Variants in ADGRB3 observed in about 807,000 individuals in gnomAD.
The protein encoded by ADGRB3 is adhesion G protein-coupled receptor B3.
A neutral mutation model predicts 193.4 loss-of-function variants in ADGRB3; 37 were observed. The ratio of observed to expected loss-of-function variants is 0.19; its 90% confidence interval spans 0.15 to 0.25. ADGRB3 has a LOEUF of 0.25. ADGRB3 is among the 10% of genes least tolerant of loss of function. ADGRB3 has a pLI of 1.00. For missense variants in ADGRB3, 1,637 were observed against 1,852.9 expected, an observed-to-expected ratio of 0.88 and a Z score of 2.14; for synonymous variants, 690 against 644.2, an observed-to-expected ratio of 1.07 and a Z score of -1.08.
chr6:69,239,398 A>T (rs1766338475), intron 20 of ADGRB3, among the ~76,000 whole-genome samples, 172 bp downstream of exon 20: 2 of 152,036 alleles, frequency 1.3e-5, no homozygotes, highest in Non-Finnish European at 2.9e-5. Context: ...TCCAGTTCAG[A>T]ATGTATACCC....
intron 10 of ADGRB3, among the ~76,000 whole-genome samples, chr6:68,978,286 A>T (rs886748421): frequency 1.3e-5 from 2 of 150,330 alleles, no homozygotes; most frequent in Non-Finnish European, 3.0e-5. Context: ...GATAAATTAG[A>T]TATGGATAGA....
chr6:68,733,167 T>C (rs1313619549), intron 3 of ADGRB3, among the ~76,000 whole-genome samples: 1 of 151,180 alleles, frequency 6.6e-6, no homozygotes, highest in African/African-American at 2.4e-5. Context: ...AAGACATCTG[T>C]ATTTGTATAT....
chr6:69,029,976 G>GCACA (rs10653397), intron 13 of ADGRB3, among the ~76,000 whole-genome samples: 40,323 of 144,942 alleles, frequency 0.28, 5,718 homozygotes, highest in Middle Eastern at 0.41. Context: ...TATATAGAAT[G>GCACA]CACACACACA....
At chr6:68,954,434 T>G (rs902869093) in intron 6 of ADGRB3, among the ~76,000 whole-genome samples, 2 of 152,092 alleles carry the variant, frequency 1.3e-5, no homozygotes, top group African/African-American at 2.4e-5. Context: ...TATATTACAT[T>G]CCAGTCATCA....
intron 3 of ADGRB3, among the ~76,000 whole-genome samples, chr6:68,888,320 C>A (rs901262147): frequency 6.6e-6 from 1 of 151,964 alleles, no homozygotes; most frequent in Non-Finnish European, 1.5e-5. Flanking sequence ...ATAAGAGATA[C>A]GGTAATAGCA....
At chr6:68,763,827 C>A (rs945936984) in intron 3 of ADGRB3, among the ~76,000 whole-genome samples, 5 of 152,174 alleles carry the variant, frequency 3.3e-5, no homozygotes, top group Middle Eastern at 3.2e-3. Context: ...AATCCCAGGA[C>A]TTTGGGAGGC....
At chr6:68,687,067 T>A (rs752787938) in intron 3 of ADGRB3, among the ~76,000 whole-genome samples, 29 of 152,072 alleles carry the variant, frequency 1.9e-4, no homozygotes, top group Non-Finnish European at 3.2e-4. Flanking sequence ...TATATGGATC[T>A]TCTATGTATC....
intron 22 of ADGRB3, among the ~76,000 whole-genome samples, chr6:69,329,260 T>G (rs1249815723): frequency 6.6e-6 from 1 of 152,150 alleles, no homozygotes; most frequent in Non-Finnish European, 1.5e-5. Flanking sequence ...AGACTAAGGT[T>G]TTTTTCTCCA....
chr6:68,746,898 G>A (rs1388327391), intron 3 of ADGRB3, among the ~76,000 whole-genome samples: 1 of 151,506 alleles, frequency 6.6e-6, no homozygotes, highest in South Asian at 2.1e-4. Flanking sequence ...TTTTGTATTT[G>A]CTTAGTTATT....
At chr6:68,954,996 T>G (rs924384575) in intron 6 of ADGRB3, among the ~76,000 whole-genome samples, 1 of 152,146 alleles carries the variant, frequency 6.6e-6, no homozygotes, top group African/African-American at 2.4e-5. Context: ...GAGAATAATA[T>G]CCAAAATCCT....
At chr6:69,100,709 A>T (rs1773006884) in intron 17 of ADGRB3, among the ~76,000 whole-genome samples, 1 of 151,468 alleles carries the variant, frequency 6.6e-6, no homozygotes, top group South Asian at 2.1e-4. Flanking sequence ...TAATAATTCC[A>T]GAAAGGTAAT....
intron 3 of ADGRB3, among the ~76,000 whole-genome samples, chr6:68,898,028 A>G (rs923274273): frequency 2.0e-5 from 3 of 148,992 alleles, no homozygotes; most frequent in Non-Finnish European, 4.4e-5. Flanking sequence ...AGAGAGAGGG[A>G]GAGACAGAGA....
intron 17 of ADGRB3, among the ~76,000 whole-genome samples, chr6:69,132,272 C>A (rs952876808): frequency 1.3e-5 from 2 of 152,132 alleles, no homozygotes; most frequent in Non-Finnish European, 2.9e-5. Flanking sequence ...ATTTCCACAT[C>A]TTCTCCAGCA....
intron 3 of ADGRB3, among the ~76,000 whole-genome samples, chr6:68,713,799 A>G (rs984155834): frequency 6.6e-6 from 1 of 151,630 alleles, no homozygotes; most frequent in African/African-American, 2.4e-5. Flanking sequence ...TTTTACATCT[A>G]TGAATTTGAA....
chr6:69,137,323 AG>A (rs1774180767), intron 17 of ADGRB3, among the ~76,000 whole-genome samples: 1 of 151,448 alleles, frequency 6.6e-6, no homozygotes, highest in Non-Finnish European at 1.5e-5. Flanking sequence ...TACCCCCATC[AG>A]TTCACAAAAT....
chr6:68,866,052 C>T (rs1765289631), intron 3 of ADGRB3, among the ~76,000 whole-genome samples: 1 of 152,082 alleles, frequency 6.6e-6, no homozygotes, highest in Non-Finnish European at 1.5e-5. Flanking sequence ...GATCTGATCC[C>T]AATTATGGGT....
At chr6:69,131,502 C>T (rs536913672) in intron 17 of ADGRB3, among the ~76,000 whole-genome samples, 15 of 151,586 alleles carry the variant, frequency 9.9e-5, no homozygotes, top group Non-Finnish European at 2.1e-4. Flanking sequence ...TTAATTGCAT[C>T]GAAAATGGGG....
chr6:68,654,088 CACTT>C (rs1768436433), intron 3 of ADGRB3, among the ~76,000 whole-genome samples: 1 of 152,118 alleles, frequency 6.6e-6, no homozygotes, highest in South Asian at 2.1e-4. Context: ...AACTTGTAAT[CACTT>C]AGTAAGCACT....
chr6:69,320,816 C>CGTGT lies in ADGRB3; in HGVS notation c.2815-4056_2815-4055insGTGT, dbSNP rs1175461597. Among the ~76,000 whole-genome samples, 428 of 110,598 alleles carry CGTGT rather than the reference C, an allele frequency of 3.9e-3. 4 individuals carry two copies. Among genetic ancestry groups the CGTGT allele is most frequent in the African/African-American group, 0.015 (413 of 27,798 alleles). The allele number at this position is 110,598 out of a possible 152,430, so 72.6% of individuals were successfully genotyped here. ...TTTCATCAAAGTATATGTGCTTGTG[C>CGTGT]ATGTGTGTATGTGTGTGTGTGTGTG... On this transcript the variant is annotated intron_variant, in intron 20 of 31. Coordinates refer to ENST00000370598, the MANE Select transcript of ADGRB3 (RefSeq NM_001704.3).
Sources: allele counts gnomAD v4.1 joint callset (sites outside exome capture counted in the v4.1 genomes callset), GRCh38; gene constraint gnomAD v4.1.1; transcripts MANE v1.5; gene names NCBI Gene and HGNC (gene_info 2026-07-23, HGNC 2026-07-21).